The following GRIK4 variants were observed in gnomAD, a reference collection of about 807,000 sequenced individuals.
GRIK4 encodes glutamate ionotropic receptor kainate type subunit 4, also known as glutamate receptor ionotropic, kainate 4.
A neutral mutation model predicts 104.9 loss-of-function variants in GRIK4; 40 were observed. The observed-to-expected ratio is 0.38, with a 90% CI of 0.30 to 0.50. The LOEUF (loss-of-function observed/expected upper bound fraction) is 0.50, where lower values mean the gene tolerates loss of function less well. Ranked by LOEUF, GRIK4 falls within the 20% of genes least tolerant of loss-of-function variation. GRIK4 has a pLI of 0.93. For synonymous variants in GRIK4, 485 were observed against 524.9 expected (o/e 0.92, Z 1.04); for missense variants, 1,047 against 1,308.1 (o/e 0.80, Z 3.08).
At chr11:120,976,462 C>T (rs1009703834) in intron 19 of GRIK4, among the ~76,000 whole-genome samples, 5 of 152,186 alleles carry the variant, frequency 3.3e-5, no homozygotes, top group African/African-American at 4.8e-5. Context: ...CAGTTTATAT[C>T]GGGGCACATA....
At chr11:120,550,764 G>C (rs1258114027) in intron 1 of GRIK4, among the ~76,000 whole-genome samples, 2 of 152,084 alleles carry the variant, frequency 1.3e-5, no homozygotes, top group Middle Eastern at 3.4e-3. Flanking sequence ...ACAGTGAGGT[G>C]GTCACTGGTG....
At chr11:120,785,014 G>A (rs1952235424) in intron 3 of GRIK4, among the ~76,000 whole-genome samples, 1 of 152,190 alleles carries the variant, frequency 6.6e-6, no homozygotes, top group African/African-American at 2.4e-5. Context: ...GACCTTGCCT[G>A]GCATCTTTGT....
intron 17 of GRIK4, 32 bp from the exon 18 acceptor site, chr11:120,962,424 C>T: frequency 6.7e-7 from 1 of 1,502,074 alleles, no homozygotes; most frequent in Non-Finnish European, 9.2e-7. Context: ...TTCCTCTTTT[C>T]CCAATCCTGC....
At chr11:120,598,752 A>C (rs1441557536) in intron 1 of GRIK4, among the ~76,000 whole-genome samples, 1 of 152,188 alleles carries the variant, frequency 6.6e-6, no homozygotes, top group East Asian at 1.9e-4. Flanking sequence ...ATGTCCATGT[A>C]GATGTAGATA....
chr11:120,514,968 T>C, intron 1 of GRIK4: 1 of 456,722 alleles, frequency 2.2e-6, no homozygotes, highest in Non-Finnish European at 4.4e-6. Flanking sequence ...CCTGCCGCTG[T>C]GCCTGTCTTC....
In GRIK4 at chr11:120,599,691, A is replaced by G. The variant is rs533550585; in HGVS notation, c.-158-53994A>G. On this transcript the variant is annotated intron_variant, in intron 1 of 20. Transcript: ENST00000527524. ...TCAGAGGTTTGTGAAAACCAGTTTC[A>G]AGGCTGCCAGCTTTGGGTATTCCTG... Among the ~76,000 whole-genome samples, 82 of 152,338 alleles carry G rather than the reference A, an allele frequency of 5.4e-4. 1 individual carries two copies. Among genetic ancestry groups the G allele is most frequent in the Middle Eastern group, 3.4e-3 (1 of 294 alleles).
rs368409387 is a variant in GRIK4 at position 120,571,337 on chromosome 11, C to G, written c.-159+59450C>G. Reference sequence around the variant, plus strand: ...CTGTCCTCTGCATGCCGCTGCACACCCTGCACTCTGGCTGGTTGCCTTCCA... The same window carrying G: ...CTGTCCTCTGCATGCCGCTGCACACGCTGCACTCTGGCTGGTTGCCTTCCA... On this transcript the variant is annotated intron_variant, in intron 1 of 20. Transcript: ENST00000527524. Among the ~76,000 whole-genome samples the G allele has an allele frequency of 2.6e-5, 4 of 152,314 alleles. No homozygotes were observed. In the East Asian group the frequency reaches 7.7e-4, roughly 29 times the overall value.
At chr11:120,627,582 T>A (rs961046532) in intron 1 of GRIK4, among the ~76,000 whole-genome samples, 3 of 152,246 alleles carry the variant, frequency 2.0e-5, no homozygotes, top group Non-Finnish European at 2.9e-5. Flanking sequence ...CGGCAGTTCC[T>A]GGAGACAGTG....
chr11:120,736,779 TC>T (rs1951230047), intron 3 of GRIK4, among the ~76,000 whole-genome samples: 1 of 150,282 alleles, frequency 6.7e-6, no homozygotes, highest in Non-Finnish European at 1.5e-5. Flanking sequence ...TCTCTCTCTC[TC>T]TCCCCTCACC....
At chr11:120,714,183 C>A (rs1163608724) in intron 3 of GRIK4, among the ~76,000 whole-genome samples, 3 of 152,208 alleles carry the variant, frequency 2.0e-5, no homozygotes, top group Non-Finnish European at 4.4e-5. Context: ...TATGCTCTCC[C>A]AGCCTTTCAA....
rs78759486 is a variant in GRIK4 at position 120,874,385 on chromosome 11, G to A, written c.1059+167G>A. On this transcript the variant is annotated intron_variant, in intron 10 of 20. Transcript: ENST00000527524. Reference sequence around the variant, plus strand: ...GTGACCCCAGTTGAATGGATCATGAGCCACATTTGTTCCCTAAACCCCAAT... The same window carrying A: ...GTGACCCCAGTTGAATGGATCATGAACCACATTTGTTCCCTAAACCCCAAT... Among the ~76,000 whole-genome samples, 1,043 of 152,332 alleles carry A rather than the reference G, an allele frequency of 6.8e-3. 7 individuals carry two copies. The highest frequency in any genetic ancestry group is 0.024 in the African/African-American group (977 of 41,568).
rs1442078590 is a variant in GRIK4, at chr11:120,795,668, G to C, written c.83-7025G>C. Among the ~76,000 whole-genome samples, 6 of 152,168 alleles carry C rather than the reference G, an allele frequency of 3.9e-5. No individual in the cohort carries two copies. In the East Asian group the frequency reaches 1.2e-3, roughly 29 times the overall value. ...GAAAAAGTGGCTTGTGTCTAATGAA[G>C]GGTACAGAGGAATTTCTGTGGGAGT... is the stretch of plus-strand genomic sequence containing the variant. On this transcript the variant is annotated intron_variant, in intron 3 of 20. Transcript: ENST00000527524.
At chr11:120,889,448 T>G in intron 11 of GRIK4, among the ~76,000 whole-genome samples, 1 of 152,074 alleles carries the variant, frequency 6.6e-6, no homozygotes, top group East Asian at 1.9e-4. Context: ...ATTATTAATA[T>G]GCATCTTTCC....
intron 17 of GRIK4, 80 bp downstream of exon 17, chr11:120,961,154 C>A: frequency 8.3e-7 from 1 of 1,210,198 alleles, no homozygotes; most frequent in Non-Finnish European, 1.2e-6. Flanking sequence ...GAGATAAAAA[C>A]ATCTCTCCGC....
chr11:120,907,882 G>C (rs570502151), intron 13 of GRIK4, among the ~76,000 whole-genome samples: 4 of 152,156 alleles, frequency 2.6e-5, no homozygotes, highest in Admixed American at 2.6e-4. Flanking sequence ...TGTGCCACTG[G>C]GGTTGGTCCT....
At chr11:120,815,095 T>C (rs948710312) in intron 4 of GRIK4, among the ~76,000 whole-genome samples, 28 of 152,264 alleles carry the variant, frequency 1.8e-4, no homozygotes, top group African/African-American at 5.5e-4. Context: ...TCTGTGACAG[T>C]CCAGACAATT....
intron 1 of GRIK4, among the ~76,000 whole-genome samples, chr11:120,598,966 A>G (rs1164467902): frequency 1.3e-5 from 2 of 152,244 alleles, no homozygotes; most frequent in Non-Finnish European, 2.9e-5. Flanking sequence ...GGGGCCAAGA[A>G]GCCCCATTTG....
At chr11:120,798,532 G>C (rs772416052) in intron 3 of GRIK4, among the ~76,000 whole-genome samples, 1 of 151,866 alleles carries the variant, frequency 6.6e-6, no homozygotes. Flanking sequence ...GCTGGAATGC[G>C]GTGGCATGAT....
chr11:120,967,906 C>G lies in GRIK4; in HGVS notation c.2395+583C>G, dbSNP rs892708082. On this transcript the variant is annotated intron_variant, in intron 19 of 20. Transcript: ENST00000527524. The surrounding 1 kb of genome is among the most constrained non-coding windows in gnomAD (Gnocchi z 4.2). ...CTGTTCCCTCCTCCTGGCCTTCCCTCGAAGAGCTCTTCACTCCCACCCTAC... is the reference window on the plus strand; with the variant it reads ...CTGTTCCCTCCTCCTGGCCTTCCCTGGAAGAGCTCTTCACTCCCACCCTAC... 6.6e-6 allele frequency among the ~76,000 whole-genome samples: 1 copy of G among 152,078 alleles called. No homozygotes were observed.
Sources: allele counts gnomAD v4.1 joint callset (sites outside exome capture counted in the v4.1 genomes callset), GRCh38; gene constraint gnomAD v4.1.1; non-coding constraint Gnocchi (gnomAD v3.1); transcripts MANE v1.5; gene names NCBI Gene and HGNC (gene_info 2026-07-23, HGNC 2026-07-21).